Variants in DIP2C observed in about 807,000 individuals in gnomAD.
The protein encoded by DIP2C is DIP2 acetate--CoA ligase C (putative), also known as disco-interacting protein 2 homolog C.
A neutral mutation model predicts 192.4 loss-of-function variants in DIP2C; 33 were observed. The ratio of observed to expected loss-of-function variants is 0.17; its 90% CI spans 0.13 to 0.23. The LOEUF is 0.23. Among genes scored for constraint, DIP2C ranks in the 10% least tolerant of loss-of-function variants. The pLI is 1.00. For missense variants in DIP2C, 1,537 were observed against 2,110.1 expected (o/e 0.73, Z 5.32); for synonymous variants, 979 against 864.1 (o/e 1.13, Z -2.33).
At chr10:485,107 C>A (rs1295578233) in intron 2 of DIP2C, among the ~76,000 whole-genome samples, 1 of 152,274 alleles carries the variant, frequency 6.6e-6, no homozygotes, top group Non-Finnish European at 1.5e-5. Context: ...AAGGCCAGGG[C>A]CACCGCGGGA....
chr10:479,694 T>C (rs1843442477), intron 2 of DIP2C, among the ~76,000 whole-genome samples: 1 of 152,192 alleles, frequency 6.6e-6, no homozygotes, highest in Non-Finnish European at 1.5e-5. Context: ...CACATCAGTA[T>C]ATATTTGCTT....
intron 29 of DIP2C, among the ~76,000 whole-genome samples, chr10:330,068 C>T (rs564306157): frequency 6.6e-6 from 1 of 152,152 alleles, no homozygotes; most frequent in Non-Finnish European, 1.5e-5. Context: ...ATATTGTCTC[C>T]AGTGGCTTTG....
At chr10:414,728 TGTGTGTGTGTGTAC>T (rs1164957631) in intron 7 of DIP2C, among the ~76,000 whole-genome samples, 78 of 81,874 alleles carry the variant, frequency 9.5e-4, no homozygotes, top group Admixed American at 3.2e-3. Flanking sequence ...TGTGTGTGTG[TGTGTGTGTGTGTAC>T]ATATATATAT....
chr10:397,589 T>A (rs975211676), intron 10 of DIP2C, among the ~76,000 whole-genome samples: 1 of 151,000 alleles, frequency 6.6e-6, no homozygotes, highest in Non-Finnish European at 1.5e-5. Flanking sequence ...CACAGGCACA[T>A]TGCAGGTTCA....
intron 1 of DIP2C, among the ~76,000 whole-genome samples, chr10:588,771 C>G (rs1429728878): frequency 2.0e-5 from 3 of 152,192 alleles, no homozygotes; most frequent in Admixed American, 6.5e-5. Flanking sequence ...GCCTGCCAGG[C>G]TGGTACTCTC....
At chr10:426,066 G>A (rs1966578534) in intron 4 of DIP2C, among the ~76,000 whole-genome samples, 1 of 152,146 alleles carries the variant, frequency 6.6e-6, no homozygotes, top group East Asian at 1.9e-4. Flanking sequence ...AGAAAAGAAG[G>A]AATAAAAGTG....
chr10:406,135 G>A (rs1422998285), intron 9 of DIP2C, among the ~76,000 whole-genome samples: 3 of 152,166 alleles, frequency 2.0e-5, no homozygotes. Context: ...TCAAGTATCT[G>A]GAGGCCATAC....
chr10:493,996 G>A (rs779659120), intron 1 of DIP2C, among the ~76,000 whole-genome samples: 2 of 152,186 alleles, frequency 1.3e-5, no homozygotes, highest in Non-Finnish European at 2.9e-5. Context: ...CCCTGCTGAA[G>A]GGGGAGGAGG....
At chr10:646,121 G>A (rs1320798008) in intron 1 of DIP2C, among the ~76,000 whole-genome samples, 1 of 152,208 alleles carries the variant, frequency 6.6e-6, no homozygotes, top group Non-Finnish European at 1.5e-5. Context: ...GGCTGTGTCA[G>A]CTGGGCCCTC....
At chr10:415,979 C>G (rs1003370229) in intron 6 of DIP2C, 91 bp from the exon 7 acceptor site, 1 of 1,576,998 alleles carries the variant, frequency 6.3e-7, no homozygotes, top group Non-Finnish European at 8.6e-7. Context: ...CCCTCCCCAG[C>G]GCGGCTACAA....
intron 32 of DIP2C, among the ~76,000 whole-genome samples, chr10:300,679 T>A (rs1419298143): frequency 4.3e-5 from 6 of 138,560 alleles, no homozygotes; most frequent in African/African-American, 1.6e-4. Flanking sequence ...CCTGAGCGTG[T>A]GGAGAAGCCG....
intron 3 of DIP2C, among the ~76,000 whole-genome samples, chr10:469,706 T>C (rs1970479262): frequency 6.6e-6 from 1 of 152,114 alleles, no homozygotes; most frequent in Non-Finnish European, 1.5e-5. Flanking sequence ...ATGCTGCTGC[T>C]AAAGTGATCT....
intron 17 of DIP2C, among the ~76,000 whole-genome samples, chr10:378,378 C>T (rs1024115891): frequency 1.1e-4 from 17 of 152,286 alleles, no homozygotes; most frequent in African/African-American, 3.1e-4. Context: ...AACACAAACA[C>T]GAAAACAGGC....
At chr10:361,822 C>G (rs1406991073) in intron 22 of DIP2C, among the ~76,000 whole-genome samples, 1 of 152,172 alleles carries the variant, frequency 6.6e-6, no homozygotes, top group Non-Finnish European at 1.5e-5. Context: ...GGACGATGCC[C>G]ATGGCTTGAG....
chr10:657,708 C>A (rs1260815927), intron 1 of DIP2C, among the ~76,000 whole-genome samples: 3 of 124,662 alleles, frequency 2.4e-5, no homozygotes, highest in Admixed American at 8.3e-5. Context: ...TGGACCTGCC[C>A]CTGGACCTGC....
chr10:594,419 G>A (rs1017514088), intron 1 of DIP2C, among the ~76,000 whole-genome samples: 10 of 151,944 alleles, frequency 6.6e-5, no homozygotes, highest in African/African-American at 2.4e-4. Context: ...AAGGGAACAT[G>A]GCCGAGTACA....
intron 32 of DIP2C, among the ~76,000 whole-genome samples, chr10:308,856 G>A (rs1956449345): frequency 6.6e-6 from 1 of 152,200 alleles, no homozygotes; most frequent in South Asian, 2.1e-4. Context: ...CGTGGCTCCT[G>A]GCCCTGGCGT....
intron 1 of DIP2C, among the ~76,000 whole-genome samples, chr10:541,981 A>G (rs1848018042): frequency 6.6e-6 from 1 of 152,194 alleles, no homozygotes; most frequent in Non-Finnish European, 1.5e-5. Context: ...GCGTGCCAGG[A>G]CACGCCCCTG....
At chr10:481,642 GAATAAA>G (rs1260734536) in intron 2 of DIP2C, among the ~76,000 whole-genome samples, 1 of 152,218 alleles carries the variant, frequency 6.6e-6, no homozygotes, top group African/African-American at 2.4e-5. Flanking sequence ...CCCAAATCAA[GAATAAA>G]AATAAAACTG....
Sources: allele counts gnomAD v4.1 joint callset (sites outside exome capture counted in the v4.1 genomes callset), GRCh38; gene constraint gnomAD v4.1.1; transcripts MANE v1.5; gene names NCBI Gene and HGNC (gene_info 2026-07-23, HGNC 2026-07-21).